OTOL1: variants seen among roughly 807,000 people sequenced by gnomAD.
OTOL1 encodes otolin 1.
A neutral mutation model predicts 25.0 loss-of-function variants in OTOL1; 31 were observed. The ratio of observed to expected loss-of-function variants is 1.24; its 90% CI spans 0.93 to 1.67. The LOEUF (loss-of-function observed/expected upper bound fraction) is 1.67. Among genes scored for constraint, OTOL1 ranks in the 40% most tolerant of loss-of-function variants. The pLI, the probability that OTOL1 is intolerant of heterozygous loss-of-function variation, is 0.00. For missense variants in OTOL1, 654 were observed against 587.7 expected, an observed-to-expected ratio of 1.11 and a Z score of -1.17; for synonymous variants, 225 against 210.3, an observed-to-expected ratio of 1.07 and a Z score of -0.61.
chr3:161,503,630 T>C lies in OTOL1; in HGVS notation c.1122T>C (p.Ser374=), dbSNP rs375280008. ...KILYNDQGNY[S]PVTGKFNCSI... ...TCTATAATGACCAAGGGAATTACAG[T>C]CCTGTCACTGGGAAGTTTAACTGCT... The change falls in exon 4 of 4, where the codon AGT becomes AGC. Residue 374 remains serine (S), a synonymous_variant. Transcript: ENST00000327928. 32 of 1,613,840 alleles carry C rather than the reference T, an allele frequency of 2.0e-5. No individual in the cohort carries two copies. The highest frequency in any genetic ancestry group is 2.6e-5 in the Non-Finnish European group (31 of 1,179,836).
Position 161,496,886 on chromosome 3 carries a change from C to A in OTOL1, c.79C>A (p.Pro27Thr), listed in dbSNP as rs1349889475. 1 of 1,613,102 alleles carries A rather than the reference C, an allele frequency of 6.2e-7. No homozygotes were observed. Among genetic ancestry groups the A allele is most frequent in the South Asian group, 1.1e-5 (1 of 91,042 alleles). ...AGMNTIAKTTPHTKFTKKSEE... is the reference protein window; with the variant it reads ...AGMNTIAKTTTHTKFTKKSEE... ...TATGAACACAATAGCAAAGACCACA[C>A]CACATACCAAATTTACGAAGAAATC... The change falls in exon 1 of 4, where the codon CCA becomes ACA. Residue 27 changes from proline (P) to threonine (T), a missense_variant. Pro to Thr is a conservative substitution (Grantham distance 38). Coordinates refer to ENST00000327928, the MANE Select transcript of OTOL1 (RefSeq NM_001080440.1).
At chr3:161,498,416 C>A (rs1026249702) in intron 1 of OTOL1, among the ~76,000 whole-genome samples, 3 of 152,092 alleles carry the variant, frequency 2.0e-5, no homozygotes, top group African/African-American at 7.2e-5. Flanking sequence ...ATGTCTTAGT[C>A]TGACTGGTTC....
chr3:161,503,601 A>C lies in OTOL1; in HGVS notation c.1093A>C (p.Ile365Leu), dbSNP rs750213447. 4 of 1,613,706 alleles carry C rather than the reference A, an allele frequency of 2.5e-6. No homozygotes were observed. The African/African-American group carries it at 4.0e-5, about 16-fold the overall frequency. The stretch of plus-strand genomic sequence containing the variant: ...TAACATCCCCATCAAATTTGAAAAG[A>C]TTCTCTATAATGACCAAGGGAATTA... Reference protein sequence around the residue: ...PPNIPIKFEKILYNDQGNYSP... With the variant: ...PPNIPIKFEKLLYNDQGNYSP... Residue 365 changes from isoleucine to leucine, a missense_variant, in exon 4 of 4, where the codon ATT (isoleucine) becomes CTT (leucine). Coordinates refer to ENST00000327928, the MANE Select transcript of OTOL1 (RefSeq NM_001080440.1).
chr3:161,499,135 T>C (rs1181071496), intron 1 of OTOL1, 36 bp from the exon 2 acceptor site: 1 of 1,501,568 alleles, frequency 6.7e-7, no homozygotes, highest in East Asian at 2.4e-5. Context: ...AAAAGAGAAA[T>C]TTTATATTCT....
At chr3:161,502,661 A>G (rs557577511) in intron 3 of OTOL1, among the ~76,000 whole-genome samples, 1 of 152,138 alleles carries the variant, frequency 6.6e-6, no homozygotes, top group South Asian at 2.1e-4. Flanking sequence ...GCTTGAATGG[A>G]CAATATGGGG....
At chr3:161,497,770 AT>A (rs5853936) in intron 1 of OTOL1, among the ~76,000 whole-genome samples, 48,404 of 151,688 alleles carry the variant, frequency 0.32, 7,865 homozygotes, top group African/African-American at 0.34. Flanking sequence ...TTGCCCAATG[AT>A]TTTCTCCATT....
Position 161,503,834 on chromosome 3 carries a change from G to T in OTOL1, c.1326G>T (p.Trp442Cys). ...ILKLSAGDQV[W>C]LEVSKDWNGV... The stretch of plus-strand genomic sequence containing the variant: ...AATTAAGTGCAGGAGACCAAGTCTG[G>T]CTTGAGGTGTCAAAAGATTGGAATG... The change falls in exon 4 of 4, where the codon TGG becomes TGT. Residue 442 changes from tryptophan (W) to cysteine (C), a missense_variant. By Grantham distance (215) the Trp-to-Cys change is radical. Transcript: ENST00000327928. 2 of 1,613,938 alleles carry T rather than the reference G, an allele frequency of 1.2e-6. No individual in the cohort carries two copies. The highest frequency in any genetic ancestry group is 1.7e-6 in the Non-Finnish European group (2 of 1,179,860).
At position 161,503,718 on chromosome 3, in the gene OTOL1, A is replaced by T; in HGVS notation, c.1210A>T (p.Ser404Cys). The T allele has an allele frequency of 2.5e-6, 4 of 1,613,808 alleles. No homozygotes were observed. The highest frequency in any genetic ancestry group is 3.4e-6 in the Non-Finnish European group (4 of 1,179,794). Residue 404 changes from serine to cysteine, a missense_variant, in exon 4 of 4, where the codon AGT becomes TGT. Coordinates refer to ENST00000327928, the MANE Select transcript of OTOL1 (RefSeq NM_001080440.1). ...GGTGAGGGGGCGACCTGCTCGAATCAGTCTGGTGGCCCAGAATAAGAAGCA... is the reference window on the plus strand; with the variant it reads ...GGTGAGGGGGCGACCTGCTCGAATCTGTCTGGTGGCCCAGAATAAGAAGCA... ...ITVRGRPARI[S>C]LVAQNKKQFK...
intron 2 of OTOL1, among the ~76,000 whole-genome samples, chr3:161,500,746 G>A (rs1298466530): frequency 6.6e-6 from 1 of 152,178 alleles, no homozygotes; most frequent in Non-Finnish European, 1.5e-5. Flanking sequence ...TCCATTTAGG[G>A]CTGGGTTTCT....
At position 161,503,024 on chromosome 3, in the gene OTOL1, A is replaced by G. The variant is rs867945671; in HGVS notation, c.518-2A>G. On this transcript the variant is annotated splice_acceptor_variant, in intron 3 of 3. Transcript: ENST00000327928. LOFTEE classifies it high-confidence loss of function. The stretch of plus-strand genomic sequence containing the variant: ...AAACATTATTTTAATTTTCCATTTC[A>G]GGTGAACCTGGCCCTAAGGGAGATA... The G allele has an allele frequency of 3.8e-6, 5 of 1,324,618 alleles. No homozygotes were observed. In the East Asian group the frequency reaches 1.3e-4, roughly 36 times the overall value. The allele number at this position is 1,324,618 out of a possible 1,614,324, so 82.1% of individuals were successfully genotyped here. A position where few individuals can be genotyped will look rare whatever the true frequency, so the allele number is the denominator to read the frequency against.
Position 161,497,133 on chromosome 3 carries a change from C to A in OTOL1, c.326C>A (p.Pro109His). 9.9e-6 allele frequency: 16 copies of A among 1,613,284 alleles called. No individual in the cohort carries two copies. The highest frequency in any genetic ancestry group is 1.4e-5 in the Non-Finnish European group (16 of 1,179,476). Residue 109 changes from proline (P) to histidine (H), a missense_variant, in exon 1 of 4, where the codon CCC becomes CAC. Pro to His is a moderately conservative substitution (Grantham distance 77). Coordinates refer to ENST00000327928, the MANE Select transcript of OTOL1 (RefSeq NM_001080440.1). ...LNCCDCCSPVPGQKGEPGETG... is the reference protein window; with the variant it reads ...LNCCDCCSPVHGQKGEPGETG... The stretch of plus-strand genomic sequence containing the variant: ...TGTTGTGATTGTTGTTCACCTGTAC[C>A]CGGGCAGAAAGGAGAACCTGGAGAG...
In OTOL1 at chr3:161,496,984, CA is replaced by C; in HGVS notation, c.178del (p.Thr60GlnfsTer40). ...CTCCAGAAGAAGAAGAAACCCTCTT[CA>C]CAGAAATGGCTGAAATGGCAGAACC... The part of the protein sequence containing the change: ...PPPEEEETLF[T>X]EMAEMAEPIT... On this transcript the variant is annotated frameshift_variant, in exon 1 of 4. Coordinates refer to ENST00000327928, the MANE Select transcript of OTOL1 (RefSeq NM_001080440.1). LOFTEE classifies it high-confidence loss of function. 6.2e-7 allele frequency: 1 copy of C among 1,613,606 alleles called. No homozygotes were observed. Among genetic ancestry groups the C allele is most frequent in the Non-Finnish European group, 8.5e-7 (1 of 1,179,648 alleles).
chr3:161,502,395 G>A lies in OTOL1; in HGVS notation c.517+26G>A, dbSNP rs376905249. Reference sequence around the variant, plus strand: ...GTAGAGCATGAAATGTATCTACTGTGTACAGTCAGGTGCGCAGTATAGCCC... The same window carrying A: ...GTAGAGCATGAAATGTATCTACTGTATACAGTCAGGTGCGCAGTATAGCCC... On this transcript the variant is annotated intron_variant, in intron 3 of 3. Coordinates refer to ENST00000327928, the MANE Select transcript of OTOL1 (RefSeq NM_001080440.1). 7.1e-5 allele frequency: 112 copies of A among 1,587,170 alleles called. No homozygotes were observed. The African/African-American group carries it at 1.2e-3, about 17-fold the overall frequency.
At chr3:161,499,550 A>T (rs929075547) in intron 2 of OTOL1, among the ~76,000 whole-genome samples, 10 of 152,124 alleles carry the variant, frequency 6.6e-5, no homozygotes, top group Admixed American at 2.0e-4. Flanking sequence ...GCAGCCACAG[A>T]GTATAGTCTC....
At position 161,497,057 on chromosome 3, in the gene OTOL1, C is replaced by T. The variant is rs1718851148; in HGVS notation, c.250C>T (p.Leu84Phe). ...GGATTCTGTCTTTGGCACTGCCACT[C>T]TCTCTCCCTTTGAAAACTTCACTCT... ...ALDSVFGTAT[L>F]SPFENFTLDP... is the part of the protein sequence containing the mutation. The change falls in exon 1 of 4, where the codon CTC becomes TTC. Residue 84 changes from leucine (L) to phenylalanine (F), a missense_variant. Physicochemically the swap from Leu to Phe is conservative, Grantham distance 22. Coordinates refer to ENST00000327928, the MANE Select transcript of OTOL1 (RefSeq NM_001080440.1). 3 of 1,613,624 alleles carry T rather than the reference C, an allele frequency of 1.9e-6. No individual in the cohort carries two copies. The highest frequency in any genetic ancestry group is 2.2e-5 in the South Asian group (2 of 91,082).
chr3:161,499,185 G>A lies in OTOL1; in HGVS notation c.379G>A (p.Ala127Thr). ...ETGQPGPKGE[A>T]GNLGIPGPPG... Reference sequence around the variant, plus strand: ...CCCATTTCTAGGTCCTAAAGGAGAGGCTGGAAATTTGGGGATCCCAGGGCC... The same window carrying A: ...CCCATTTCTAGGTCCTAAAGGAGAGACTGGAAATTTGGGGATCCCAGGGCC... The change falls in exon 2 of 4, where the codon GCT (alanine) becomes ACT (threonine). Residue 127 changes from alanine to threonine, a missense_variant. Coordinates refer to ENST00000327928, the MANE Select transcript of OTOL1 (RefSeq NM_001080440.1). 6.2e-7 allele frequency: 1 copy of A among 1,609,958 alleles called. No individual in the cohort carries two copies.
Position 161,503,600 on chromosome 3 carries a change from G to C in OTOL1, c.1092G>C (p.Lys364Asn), listed in dbSNP as rs1368334027. 1 of 1,613,726 alleles carries C rather than the reference G, an allele frequency of 6.2e-7. No homozygotes were observed. Among genetic ancestry groups the C allele is most frequent in the Admixed American group, 1.7e-5 (1 of 59,986 alleles). The change falls in exon 4 of 4, where the codon AAG becomes AAC. Residue 364 changes from lysine to asparagine, a missense_variant. Lys to Asn is a moderately conservative substitution (Grantham distance 94). Transcript: ENST00000327928. ...PPPNIPIKFE[K>N]ILYNDQGNYS... is the part of the protein sequence containing the mutation. ...CTAACATCCCCATCAAATTTGAAAAGATTCTCTATAATGACCAAGGGAATT... is the reference window on the plus strand; with the variant it reads ...CTAACATCCCCATCAAATTTGAAAACATTCTCTATAATGACCAAGGGAATT...
chr3:161,502,509 T>G (rs1305051842), intron 3 of OTOL1, 140 bp downstream of exon 3: 2 of 751,096 alleles, frequency 2.7e-6, no homozygotes, highest in African/African-American at 1.8e-5. Flanking sequence ...TTCAGTGTAC[T>G]GACTCAGTGA....
At chr3:161,498,867 G>A (rs1718901957) in intron 1 of OTOL1, among the ~76,000 whole-genome samples, 1 of 152,096 alleles carries the variant, frequency 6.6e-6, no homozygotes, top group Non-Finnish European at 1.5e-5. Context: ...TCCATATGAG[G>A]TTAAGTGTCA....
Sources: allele counts gnomAD v4.1 joint callset (sites outside exome capture counted in the v4.1 genomes callset), GRCh38; gene constraint gnomAD v4.1.1; transcripts MANE v1.5; gene names NCBI Gene and HGNC (gene_info 2026-07-23, HGNC 2026-07-21).